RGS8: variants seen among roughly 807,000 people sequenced by gnomAD.
The protein encoded by RGS8 is regulator of G protein signaling 8, also known as regulator of G-protein signaling 8.
Under a neutral mutation model 21.7 loss-of-function variants are expected in RGS8, and 8 were observed. That is an observed-to-expected ratio of 0.37 (90% confidence interval 0.22 to 0.66). RGS8 has a LOEUF of 0.66. Ranked by LOEUF, RGS8 falls within the 30% of genes least tolerant of loss-of-function variation. RGS8 has a pLI of 0.59. For synonymous variants in RGS8, 80 were observed against 83.6 expected, an observed-to-expected ratio of 0.96 and a Z score of 0.24; for missense variants, 157 against 217.9, an observed-to-expected ratio of 0.72 and a Z score of 1.76.
chr1:182,672,557 A>G (rs1054572247), upstream of RGS8, among the ~76,000 whole-genome samples: 1 of 151,814 alleles, frequency 6.6e-6, no homozygotes, highest in Non-Finnish European at 1.5e-5. Context: ...ACCAGTGCCA[A>G]CCACACCACT....
chr1:182,677,306 T>C (rs1664397851), upstream of RGS8, among the ~76,000 whole-genome samples: 1 of 152,266 alleles, frequency 6.6e-6, no homozygotes, highest in Non-Finnish European at 1.5e-5. Flanking sequence ...GATAATGTAA[T>C]GCAGTCTTCA....
chr1:182,716,406 G>A, the RGS8 span, among the ~76,000 whole-genome samples: 1 of 151,868 alleles, frequency 6.6e-6, no homozygotes, highest in Non-Finnish European at 1.5e-5. Flanking sequence ...GATTACAGGT[G>A]TGAGCCACCA....
the RGS8 span, among the ~76,000 whole-genome samples, chr1:182,711,159 G>A: frequency 1.3e-5 from 2 of 152,084 alleles, no homozygotes; most frequent in Non-Finnish European, 1.5e-5. Context: ...GAAGTGAACA[G>A]GTGATGAGCC....
At chr1:182,646,963 A>C in intron 6 of RGS8, 46 bp from the exon 8 acceptor site, 5 of 1,526,832 alleles carry the variant, frequency 3.3e-6, no homozygotes, top group Non-Finnish European at 4.5e-6. Context: ...TCAAGGGCCA[A>C]GGTTTCTGGC....
chr1:182,648,708 C>G (rs1662830365), intron 5 of RGS8, among the ~76,000 whole-genome samples: 1 of 152,000 alleles, frequency 6.6e-6, no homozygotes, highest in South Asian at 2.1e-4. Flanking sequence ...GCACTCCAAT[C>G]TGGGCGACAG....
At chr1:182,714,073 A>C in the RGS8 span, among the ~76,000 whole-genome samples, 1 of 152,224 alleles carries the variant, frequency 6.6e-6, no homozygotes, top group Non-Finnish European at 1.5e-5. Flanking sequence ...CTATAAGAAG[A>C]CTTTTCTAAC....
upstream of RGS8, among the ~76,000 whole-genome samples, chr1:182,689,260 C>CAG (rs1664770467): frequency 7.3e-6 from 1 of 136,864 alleles, no homozygotes; most frequent in South Asian, 2.3e-4. Flanking sequence ...CACGCACACA[C>CAG]ACAGACACAC....
chr1:182,714,573 T>G, the RGS8 span: 4 of 152,240 alleles, frequency 2.6e-5, no homozygotes, highest in South Asian at 2.1e-4. Context: ...AAAGTCATAT[T>G]TATATGTGAA....
exon 4 of RGS8, chr1:182,666,972 T>G: frequency 6.2e-7 from 1 of 1,612,504 alleles, no homozygotes; most frequent in Non-Finnish European, 8.5e-7. Flanking sequence ...ATCCCTTTGT[T>G]CCTGCAACAA....
exon 1 of RGS8, chr1:182,671,863 G>A: frequency 2.6e-6 from 4 of 1,521,744 alleles, no homozygotes; most frequent in South Asian, 1.3e-5. Flanking sequence ...CACCACTTGA[G>A]CCAGGCAGCA....
chr1:182,672,094 C>T, upstream of RGS8: 1 of 277,256 alleles, frequency 3.6e-6, no homozygotes, highest in Non-Finnish European at 6.7e-6. Flanking sequence ...AGCTGCCTCC[C>T]TCTGCACCCA....
intron 5 of RGS8, among the ~76,000 whole-genome samples, chr1:182,650,036 C>T (rs1018909025): frequency 7.2e-5 from 11 of 152,162 alleles, no homozygotes; most frequent in African/African-American, 2.4e-4. Flanking sequence ...CTCAGCCTCC[C>T]AAATAGCTGG....
At chr1:182,655,622 A>G (rs2102417164) in intron 5 of RGS8, among the ~76,000 whole-genome samples, 1 of 152,258 alleles carries the variant, frequency 6.6e-6, no homozygotes. Context: ...CCTATCATTA[A>G]CTGTGTGACT....
At chr1:182,732,275 A>T in the RGS8 span, among the ~76,000 whole-genome samples, 1 of 145,250 alleles carries the variant, frequency 6.9e-6, no homozygotes, top group Admixed American at 6.8e-5. Flanking sequence ...TCTCTCATAC[A>T]CACACACACA....
At chr1:182,695,623 T>G in the RGS8 span, among the ~76,000 whole-genome samples, 2,878 of 152,310 alleles carry the variant, frequency 0.019, 87 homozygotes, top group African/African-American at 0.066. Context: ...CACCTGGCTC[T>G]ACAATTGCTC....
chr1:182,684,749 C>T (rs1664657351), upstream of RGS8, among the ~76,000 whole-genome samples: 1 of 152,008 alleles, frequency 6.6e-6, no homozygotes, highest in African/African-American at 2.4e-5. The surrounding 1 kb of genome is among the most constrained non-coding windows in gnomAD (Gnocchi z 4.2). Context: ...ACAGCTGCCT[C>T]CGAGGGGCTG....
chr1:182,644,219 C>T (rs1195059647), downstream of RGS8: 1 of 152,220 alleles, frequency 6.6e-6, no homozygotes, highest in Non-Finnish European at 1.5e-5. Flanking sequence ...TGAAAGTAGG[C>T]ATCAGAGTGG....
At chr1:182,720,986 CATATATATGTGTGTATATAT>C in the RGS8 span, among the ~76,000 whole-genome samples, 2 of 92,068 alleles carry the variant, frequency 2.2e-5, no homozygotes, top group African/African-American at 3.7e-5. Flanking sequence ...CATATATACA[CATATATATGTGTGTATATAT>C]ACATATATAC....
chr1:182,722,919 AGTGAG>A, the RGS8 span, among the ~76,000 whole-genome samples: 6 of 152,216 alleles, frequency 3.9e-5, no homozygotes, highest in East Asian at 7.7e-4. Context: ...CGGAGCTTGC[AGTGAG>A]CCCAGATCGC....
Sources: gnomAD v4.1 joint callset for allele counts (sites outside exome capture counted in the v4.1 genomes callset) on GRCh38, gnomAD v4.1.1 for gene constraint, Gnocchi (gnomAD v3.1) non-coding constraint, MANE v1.5 for transcripts, NCBI Gene and HGNC (gene_info 2026-07-23, HGNC 2026-07-21) for gene names.